Variants in RAPGEF1 observed in about 807,000 individuals in gnomAD.
RAPGEF1 encodes the protein CRK SH3-binding GNRP.
In RAPGEF1, 33 loss-of-function variants were observed where a neutral mutation model predicts 143.3. The ratio of observed to expected loss-of-function variants is 0.23; its 90% CI spans 0.17 to 0.31. The LOEUF (loss-of-function observed/expected upper bound fraction) is 0.31, where lower values mean the gene tolerates loss of function less well. Among genes scored for constraint, RAPGEF1 ranks in the 10% least tolerant of loss-of-function variants. The probability of loss-of-function intolerance (pLI) is 1.00; values close to 1 mark genes in which losing one functional copy is unlikely to be tolerated. For missense variants in RAPGEF1, 1,199 were observed against 1,645.4 expected, an observed-to-expected ratio of 0.73 and a Z score of 4.69; for synonymous variants, 629 against 676.5, an observed-to-expected ratio of 0.93 and a Z score of 1.09.
At position 131,702,936 on chromosome 9, in the gene RAPGEF1, T is replaced by C. The variant is rs1265449427; in HGVS notation, c.61+36834A>G. Among the ~76,000 whole-genome samples the C allele has an allele frequency of 1.3e-5, 2 of 152,320 alleles. 1 individual carries two copies. The highest frequency in any genetic ancestry group is 3.9e-4 in the East Asian group (2 of 5,184). On this transcript the variant is annotated intron_variant, in intron 1 of 26. Coordinates refer to ENST00000683357, the MANE Select transcript of RAPGEF1 (RefSeq NM_001377935.1). ...AAAATTATTTGCATACGATGACAATTCTATGAAAAATATGCATCGTGCAGC... is the reference window on the plus strand; with the variant it reads ...AAAATTATTTGCATACGATGACAATCCTATGAAAAATATGCATCGTGCAGC...
intron 1 of RAPGEF1, among the ~76,000 whole-genome samples, chr9:131,668,959 G>A (rs1430469625): frequency 6.6e-6 from 1 of 152,232 alleles, no homozygotes; most frequent in Non-Finnish European, 1.5e-5. Flanking sequence ...CCTAGGAGGG[G>A]CAGGTGGAGG....
chr9:131,642,633 G>C (rs1005376522), intron 4 of RAPGEF1, among the ~76,000 whole-genome samples: 1 of 152,182 alleles, frequency 6.6e-6, no homozygotes. Context: ...CCCCAAAAGC[G>C]GCGCTGGTCC....
In RAPGEF1 at chr9:131,622,057, TCCC is replaced by T. The variant is rs1340724130; in HGVS notation, c.1703-62_1703-60del. ...GGGGGAGGCCACATCAGGGAACCCC[TCCC>T]CCCATTCTTCCCACAGCAGCTAGGG... On this transcript the variant is annotated intron_variant, in intron 10 of 26. Coordinates refer to ENST00000683357, the MANE Select transcript of RAPGEF1 (RefSeq NM_001377935.1). 44 of 1,496,668 alleles carry T rather than the reference TCCC, an allele frequency of 2.9e-5. No individual in the cohort carries two copies. The East Asian group carries it at 1.1e-3, about 36-fold the overall frequency. 92.7% of individuals were successfully genotyped at this position (1,496,668 alleles called of 1,614,324 possible). A position where few individuals can be genotyped will look rare whatever the true frequency, so the allele number is the denominator to read the frequency against.
intron 12 of RAPGEF1, among the ~76,000 whole-genome samples, chr9:131,613,585 C>T (rs1369514540): frequency 6.6e-6 from 1 of 152,162 alleles, no homozygotes; most frequent in Non-Finnish European, 1.5e-5. Context: ...GGCTAATGCC[C>T]TGTGCAGTAT....
At chr9:131,631,005 TATAC>T (rs1964688848) in intron 5 of RAPGEF1, among the ~76,000 whole-genome samples, 1 of 151,934 alleles carries the variant, frequency 6.6e-6, no homozygotes, top group African/African-American at 2.4e-5. Context: ...GACAACTGCA[TATAC>T]CCAAGTAAGC....
chr9:131,614,411 TCTTCTCTC>T (rs1339579593), intron 12 of RAPGEF1, among the ~76,000 whole-genome samples: 2 of 152,202 alleles, frequency 1.3e-5, no homozygotes, highest in African/African-American at 4.8e-5. Flanking sequence ...TCTCCTCCCT[TCTTCTCTC>T]CTTCTCTCTC....
intron 1 of RAPGEF1, among the ~76,000 whole-genome samples, chr9:131,731,251 A>G (rs1837054467): frequency 6.6e-6 from 1 of 152,230 alleles, no homozygotes; most frequent in African/African-American, 2.4e-5. Flanking sequence ...AGCCTGGTAC[A>G]GCACGTGGTA....
chr9:131,722,165 A>C (rs1836312773), intron 1 of RAPGEF1, among the ~76,000 whole-genome samples: 2 of 152,134 alleles, frequency 1.3e-5, no homozygotes, highest in Admixed American at 6.5e-5. Flanking sequence ...AGACGTGTTA[A>C]TGATACTCGT....
At chr9:131,657,818 C>G (rs951443190) in intron 1 of RAPGEF1, among the ~76,000 whole-genome samples, 3 of 152,224 alleles carry the variant, frequency 2.0e-5, no homozygotes, top group Admixed American at 6.5e-5. Context: ...GACTTTCAGA[C>G]TTATCATCCC....
intron 1 of RAPGEF1, among the ~76,000 whole-genome samples, chr9:131,719,562 T>A (rs1836109311): frequency 1.4e-5 from 2 of 144,324 alleles, no homozygotes; most frequent in Admixed American, 6.9e-5. Flanking sequence ...GCTTTTTTTT[T>A]TTTTTTTTTT....
At position 131,615,333 on chromosome 9, in the gene RAPGEF1, C is replaced by T. The variant is rs530615351; in HGVS notation, c.2061+3718G>A. ...TCGTGATCCGCCCACCTTGGCCTCC[C>T]AAAGTGCTGGGATTGCAGGCGTGAG... On this transcript the variant is annotated intron_variant, in intron 12 of 26. Transcript: ENST00000683357. Among the ~76,000 whole-genome samples the T allele has an allele frequency of 5.3e-5, 8 of 152,346 alleles. No individual in the cohort carries two copies. The South Asian group carries it at 1.0e-3, about 20-fold the overall frequency.
In RAPGEF1 at chr9:131,588,277, C is replaced by A. The variant is rs7864621; in HGVS notation, c.3054-251G>T. On this transcript the variant is annotated intron_variant, in intron 20 of 26. Transcript: ENST00000683357. ...GTCCAGCAGCTTCTGGAATCAGAAGCCTGAGTTTCCCTCGTGAGCTCATGG... is the reference window on the plus strand; with the variant it reads ...GTCCAGCAGCTTCTGGAATCAGAAGACTGAGTTTCCCTCGTGAGCTCATGG... Among the ~76,000 whole-genome samples the A allele has an allele frequency of 0.65, 99,342 of 152,102 alleles. 33,394 individuals are homozygous for A. Among genetic ancestry groups the A allele is most frequent in the Non-Finnish European group, 0.72 (48,720 of 67,976 alleles).
chr9:131,581,537 C>CAA (rs201580375), intron 25 of RAPGEF1, among the ~76,000 whole-genome samples: 31 of 145,924 alleles, frequency 2.1e-4, no homozygotes, highest in South Asian at 4.4e-4. Context: ...AAAAAAAATA[C>CAA]AAAAAAAAAA....
intron 25 of RAPGEF1, 109 bp from the exon 26 acceptor site, chr9:131,580,500 A>G (rs906716612): frequency 7.6e-7 from 1 of 1,311,964 alleles, no homozygotes; most frequent in Non-Finnish European, 1.0e-6. Context: ...TCCAAACCCC[A>G]GAGCAAACCA....
At chr9:131,602,688 AAG>A (rs1956460179) in intron 14 of RAPGEF1, among the ~76,000 whole-genome samples, 1 of 152,226 alleles carries the variant, frequency 6.6e-6, no homozygotes, top group Non-Finnish European at 1.5e-5. Context: ...TGCTGATTTA[AAG>A]AAGTCCTCAG....
chr9:131,590,204 C>G (rs1278106081), intron 18 of RAPGEF1, among the ~76,000 whole-genome samples: 1 of 152,202 alleles, frequency 6.6e-6, no homozygotes, highest in Non-Finnish European at 1.5e-5. Context: ...CTGCTGCCCT[C>G]TCCTCCCTGC....
At chr9:131,699,044 T>C (rs1834422301) in intron 1 of RAPGEF1, among the ~76,000 whole-genome samples, 1 of 152,202 alleles carries the variant, frequency 6.6e-6, no homozygotes, top group Non-Finnish European at 1.5e-5. Flanking sequence ...TACCAGGTCA[T>C]TCCCATCAGC....
chr9:131,697,818 A>G (rs544795734), intron 1 of RAPGEF1, among the ~76,000 whole-genome samples: 37 of 152,322 alleles, frequency 2.4e-4, no homozygotes, highest in African/African-American at 8.9e-4. Context: ...TTGGTTGAAA[A>G]GACAGTTGAT....
intron 12 of RAPGEF1, among the ~76,000 whole-genome samples, chr9:131,618,843 T>C (rs889151013): frequency 9.2e-5 from 14 of 152,186 alleles, no homozygotes; most frequent in African/African-American, 2.9e-4. Flanking sequence ...CACTCACATT[T>C]CCCATGCCTG....
Sources: allele counts gnomAD v4.1 joint callset (sites outside exome capture counted in the v4.1 genomes callset), GRCh38; gene constraint gnomAD v4.1.1; transcripts MANE v1.5; gene names NCBI Gene and HGNC (gene_info 2026-07-23, HGNC 2026-07-21).